ZNF670: variants seen among roughly 807,000 people sequenced by gnomAD.
The protein encoded by ZNF670 is zinc finger protein 670.
ZNF670 carries 7 observed loss-of-function variants against 10.9 expected under a neutral mutation model. That is an observed-to-expected ratio of 0.64 (90% CI 0.36 to 1.20). The LOEUF (loss-of-function observed/expected upper bound fraction) is 1.20, where lower values mean the gene tolerates loss of function less well. ZNF670 is among the 50% of genes most tolerant of loss of function. The pLI, the probability that ZNF670 is intolerant of heterozygous loss-of-function variation, is 0.02. For synonymous variants in ZNF670, 136 were observed against 152.7 expected, an observed-to-expected ratio of 0.89 and a Z score of 0.81; for missense variants, 446 against 458.6, an observed-to-expected ratio of 0.97 and a Z score of 0.25.
In ZNF670 at chr1:247,078,715, C is replaced by CTTCCGGGACCTGGCGCGGCTTTTGTGTT; in HGVS notation, c.-120_-119insAACACAAAAGCCGCGCCAGGTCCCGGAA. 1.8e-6 allele frequency: 2 copies of CTTCCGGGACCTGGCGCGGCTTTTGTGTT among 1,125,214 alleles called. No homozygotes were observed. Among genetic ancestry groups the CTTCCGGGACCTGGCGCGGCTTTTGTGTT allele is most frequent in the Non-Finnish European group, 2.6e-6 (2 of 775,068 alleles). The allele number at this position is 1,125,214 out of a possible 1,614,324, so 69.7% of individuals were successfully genotyped here. A position where few individuals can be genotyped will look rare whatever the true frequency, so the allele number is the denominator to read the frequency against. ...TCCCAGGGATAAGGGGAAGGAGCAG[C>CTTCCGGGACCTGGCGCGGCTTTTGTGTT]GGAGACGCACCGAGCTCGCCACATT... On this transcript the variant is annotated 5_prime_UTR_variant, in exon 1 of 4. An upstream open reading frame in the 5' UTR loses its in-frame stop. Transcript: ENST00000366503.
At chr1:247,055,025 A>C (rs1026558496) in intron 1 of ZNF670, among the ~76,000 whole-genome samples, 10 of 152,226 alleles carry the variant, frequency 6.6e-5, no homozygotes, top group African/African-American at 2.4e-4. Flanking sequence ...ATCAGGCTGC[A>C]GGCACAGATA....
At chr1:247,044,215 T>C (rs999927246) in intron 1 of ZNF670, among the ~76,000 whole-genome samples, 3 of 152,022 alleles carry the variant, frequency 2.0e-5, no homozygotes, top group African/African-American at 7.2e-5. Context: ...ACTGTCAAGG[T>C]TCACGGAAGG....
At chr1:247,046,712 C>T (rs575412910) in intron 1 of ZNF670, among the ~76,000 whole-genome samples, 1 of 152,242 alleles carries the variant, frequency 6.6e-6, no homozygotes, top group South Asian at 2.1e-4. Flanking sequence ...CACTGCCTAG[C>T]GGAGCTGTGG....
At chr1:247,066,010 G>A (rs752067130) in intron 1 of ZNF670, among the ~76,000 whole-genome samples, 1 of 152,188 alleles carries the variant, frequency 6.6e-6, no homozygotes, top group Non-Finnish European at 1.5e-5. Flanking sequence ...CCATAGCAGT[G>A]TAATGGGTGA....
intron 1 of ZNF670, chr1:247,043,852 T>A: frequency 2.9e-6 from 1 of 340,512 alleles, no homozygotes. Context: ...GGATGCCATT[T>A]CCACTAATGA....
At chr1:247,072,804 GTA>G (rs74163726) in intron 1 of ZNF670, among the ~76,000 whole-genome samples, 979 of 47,590 alleles carry the variant, frequency 0.021, 26 homozygotes, top group Middle Eastern at 0.049. Context: ...AAAAGTGTGT[GTA>G]TATATATATA....
chr1:247,078,470 C>T, intron 1 of ZNF670, 124 bp downstream of exon 1: 4 of 1,254,012 alleles, frequency 3.2e-6, no homozygotes, highest in East Asian at 2.5e-5. Context: ...GCATCCTGTG[C>T]CACTAAGGCC....
Position 247,054,977 on chromosome 1 carries a change from C to A in ZNF670, c.4-15440G>T, listed in dbSNP as rs191383313. ...GTTGGGCAGACAGCTAAAAACTGGTCTTTGGTAAAACTCCTTTAAAGAAAC... is the reference window on the plus strand; with the variant it reads ...GTTGGGCAGACAGCTAAAAACTGGTATTTGGTAAAACTCCTTTAAAGAAAC... On this transcript the variant is annotated intron_variant, in intron 1 of 3. Coordinates refer to ENST00000366503, the MANE Select transcript of ZNF670 (RefSeq NM_033213.5). Among the ~76,000 whole-genome samples, 234 of 152,242 alleles carry A rather than the reference C, an allele frequency of 1.5e-3. 2 individuals carry two copies. In the Middle Eastern group the frequency reaches 0.041, roughly 27 times the overall value.
At chr1:247,057,531 T>G (rs1277222112) in intron 1 of ZNF670, among the ~76,000 whole-genome samples, 1 of 152,162 alleles carries the variant, frequency 6.6e-6, no homozygotes, top group East Asian at 1.9e-4. Flanking sequence ...AAAACACATC[T>G]GAACTCCCAT....
chr1:247,048,379 A>C (rs1670509536), intron 1 of ZNF670, among the ~76,000 whole-genome samples: 1 of 152,152 alleles, frequency 6.6e-6, no homozygotes, highest in Non-Finnish European at 1.5e-5. Flanking sequence ...TTCCATCTGA[A>C]ACCACCTCAG....
chr1:247,064,711 A>G (rs1670942862), intron 1 of ZNF670, among the ~76,000 whole-genome samples: 1 of 152,094 alleles, frequency 6.6e-6, no homozygotes, highest in South Asian at 2.1e-4. Flanking sequence ...CGGGAGCCAG[A>G]CCTCTGCAAT....
chr1:247,068,316 C>A, intron 1 of ZNF670, among the ~76,000 whole-genome samples: 1 of 32,020 alleles, frequency 3.1e-5, no homozygotes. Context: ...AAGATTCTGT[C>A]TCCAAAAAAA....
At chr1:247,068,318 C>CAAAAA (rs1290761824) in intron 1 of ZNF670, among the ~76,000 whole-genome samples, 3 of 31,986 alleles carry the variant, frequency 9.4e-5, no homozygotes, top group African/African-American at 9.1e-4. Flanking sequence ...GATTCTGTCT[C>CAAAAA]CAAAAAAAAA....
intron 1 of ZNF670, among the ~76,000 whole-genome samples, chr1:247,061,216 C>T (rs1236006206): frequency 6.7e-6 from 1 of 148,898 alleles, no homozygotes; most frequent in East Asian, 1.9e-4. Context: ...GAGTCTCGCT[C>T]TGTTGCCCAG....
chr1:247,037,716 C>T lies in ZNF670; in HGVS notation c.903G>A (p.Arg301=). The T allele has an allele frequency of 6.2e-7, 1 of 1,613,874 alleles. No individual in the cohort carries two copies. The highest frequency in any genetic ancestry group is 8.5e-7 in the Non-Finnish European group (1 of 1,179,962). ...CATAGGGCTTTTCTCCACTGTGAGTCCTTTCATGGACTCTGAGGACTCTGG... is the reference window on the plus strand; with the variant it reads ...CATAGGGCTTTTCTCCACTGTGAGTTCTTTCATGGACTCTGAGGACTCTGG... ...RCSRVLRVHE[R]THSGEKPYEC... The change falls in exon 4 of 4, where the codon AGG becomes AGA. Residue 301 remains arginine, a synonymous_variant. Transcript: ENST00000366503.
intron 2 of ZNF670, among the ~76,000 whole-genome samples, 190 bp from the exon 3 acceptor site, chr1:247,039,060 C>CTTTTTTTTTTTTTTTTT (rs3078762): frequency 8.0e-6 from 1 of 125,642 alleles, no homozygotes; most frequent in Non-Finnish European, 1.6e-5. Context: ...TTCTTTCTTT[C>CTTTTTTTTTTTTTTTTT]TTTTTTTTTT....
chr1:247,074,823 G>A (rs867651644), intron 1 of ZNF670, among the ~76,000 whole-genome samples: 1 of 152,152 alleles, frequency 6.6e-6, no homozygotes, highest in Non-Finnish European at 1.5e-5. Context: ...CCTGCTGCAT[G>A]GCCTGGATCC....
In ZNF670 at chr1:247,035,403, T is replaced by G. The variant is rs1283108215; in HGVS notation, c.*2046A>C. Among the ~76,000 whole-genome samples the G allele has an allele frequency of 6.6e-6, 1 of 152,186 alleles. No individual in the cohort carries two copies. Among genetic ancestry groups the G allele is most frequent in the Non-Finnish European group, 1.5e-5 (1 of 68,044 alleles). On this transcript the variant is annotated 3_prime_UTR_variant, in exon 4 of 4. Coordinates refer to ENST00000366503, the MANE Select transcript of ZNF670 (RefSeq NM_033213.5). ...TAGAACAAACAGGGTGTAAGGGGAA[T>G]GCTTTGTAGTATCAAGAACGTGAGA...
intron 1 of ZNF670, among the ~76,000 whole-genome samples, chr1:247,063,577 CAAAAAAA>C (rs5782410): frequency 2.0e-4 from 19 of 93,250 alleles, no homozygotes; most frequent in African/African-American, 7.5e-4. Context: ...AGCGAGACAC[CAAAAAAA>C]AAAAAAAAAA....
Sources: allele counts gnomAD v4.1 joint callset (sites outside exome capture counted in the v4.1 genomes callset), GRCh38; gene constraint gnomAD v4.1.1; transcripts MANE v1.5; gene names NCBI Gene and HGNC (gene_info 2026-07-23, HGNC 2026-07-21).